Variants in RPS6KA2 observed in about 807,000 individuals in gnomAD.
RPS6KA2 encodes the protein ribosomal protein S6 kinase A2.
A neutral mutation model predicts 91.8 loss-of-function variants in RPS6KA2; 42 were observed. The observed-to-expected ratio is 0.46, with a 90% CI of 0.36 to 0.59. RPS6KA2 has a LOEUF of 0.59. Among genes scored for constraint, RPS6KA2 ranks in the 20% least tolerant of loss-of-function variants. The pLI, the probability that RPS6KA2 is intolerant of heterozygous loss-of-function variation, is 0.00. For synonymous variants in RPS6KA2, 414 were observed against 393.6 expected (o/e 1.05, Z -0.61); for missense variants, 798 against 978.5 (o/e 0.82, Z 2.46).
chr6:166,754,400 AG>A (rs1777936861), intron 2 of RPS6KA2, among the ~76,000 whole-genome samples: 2 of 152,280 alleles, frequency 1.3e-5, no homozygotes, highest in East Asian at 3.9e-4. Context: ...ACGTGTGGGC[AG>A]GGGCCTTTCA....
chr6:166,764,339 G>C (rs904616878), intron 2 of RPS6KA2, among the ~76,000 whole-genome samples: 1 of 152,190 alleles, frequency 6.6e-6, no homozygotes, highest in East Asian at 1.9e-4. Context: ...AGGAAGAGTG[G>C]GAGGCTCTGC....
intron 1 of RPS6KA2, among the ~76,000 whole-genome samples, chr6:166,562,899 G>A (rs548470270): frequency 5.3e-5 from 8 of 152,330 alleles, no homozygotes; most frequent in African/African-American, 1.9e-4. Flanking sequence ...GGGGTGCAGG[G>A]GGCCTGGGAT....
intron 2 of RPS6KA2, among the ~76,000 whole-genome samples, chr6:166,536,269 G>GC (rs1783475207): frequency 6.6e-6 from 1 of 152,212 alleles, no homozygotes; most frequent in African/African-American, 2.4e-5. Flanking sequence ...GCAGGAGGTG[G>GC]AAACCTGAAG....
intron 3 of RPS6KA2, among the ~76,000 whole-genome samples, chr6:166,526,069 C>G (rs1783015249): frequency 6.6e-6 from 1 of 151,940 alleles, no homozygotes; most frequent in Non-Finnish European, 1.5e-5. Context: ...AGTGCCAGGC[C>G]TCCTCTCCAC....
At chr6:166,773,810 C>G (rs771028358) in intron 2 of RPS6KA2, among the ~76,000 whole-genome samples, 1 of 152,098 alleles carries the variant, frequency 6.6e-6, no homozygotes. Context: ...GCTAGCTCCA[C>G]CAGGAAGAAA....
intron 3 of RPS6KA2, among the ~76,000 whole-genome samples, chr6:166,530,520 T>C (rs1197467592): frequency 6.6e-6 from 1 of 152,194 alleles, no homozygotes; most frequent in African/African-American, 2.4e-5. Context: ...GGGGTCAGTT[T>C]ATGTAACTAA....
chr6:166,616,722 T>C (rs1366173340), intron 1 of RPS6KA2, among the ~76,000 whole-genome samples: 2 of 152,180 alleles, frequency 1.3e-5, no homozygotes, highest in African/African-American at 4.8e-5. Context: ...TCAGGCCAGC[T>C]GGGGAGCAGG....
intron 1 of RPS6KA2, among the ~76,000 whole-genome samples, chr6:166,594,458 A>G (rs1394558304): frequency 6.6e-6 from 1 of 151,958 alleles, no homozygotes; most frequent in African/African-American, 2.4e-5. Context: ...GTCCAAACAC[A>G]TTTTCTTTTT....
intron 1 of RPS6KA2, among the ~76,000 whole-genome samples, chr6:166,596,480 C>G (rs1785538258): frequency 6.6e-6 from 1 of 152,154 alleles, no homozygotes; most frequent in Non-Finnish European, 1.5e-5. Context: ...TGGTCTTCAT[C>G]TTTCTCCTGT....
intron 3 of RPS6KA2, among the ~76,000 whole-genome samples, chr6:166,530,467 C>A (rs1037641789): frequency 6.6e-6 from 1 of 152,230 alleles, no homozygotes; most frequent in African/African-American, 2.4e-5. Flanking sequence ...CTAAGTGCTG[C>A]CCCCGTGACG....
chr6:166,450,665 GGGGACCACCACA>G lies in RPS6KA2; in HGVS notation c.1206+426_1206+437del, dbSNP rs1202733791. 5.7e-4 allele frequency among the ~76,000 whole-genome samples: 82 copies of G among 144,986 alleles called. 1 individual carries two copies. Among genetic ancestry groups the G allele is most frequent in the Admixed American group, 1.6e-3 (23 of 14,720 alleles). ...AGGGACCACCCTGGGAGACCACCAT[GGGGACCACCACA>G]GGGACCACCACAGGGACCACCACAA... On this transcript the variant is annotated intron_variant, in intron 13 of 20. Coordinates refer to ENST00000265678, the MANE Select transcript of RPS6KA2 (RefSeq NM_021135.6).
intron 2 of RPS6KA2, among the ~76,000 whole-genome samples, chr6:166,835,621 C>T (rs947455360): frequency 6.6e-6 from 1 of 152,212 alleles, no homozygotes. Flanking sequence ...ATCCTAAACA[C>T]GTGAGTCTTA....
At chr6:166,531,346 G>C (rs756559913) in intron 2 of RPS6KA2, 33 bp from the exon 3 acceptor site, 2 of 1,521,140 alleles carry the variant, frequency 1.3e-6, no homozygotes, top group Admixed American at 1.7e-5. Flanking sequence ...TCAGAAACCC[G>C]TAAGACTTCA....
intron 2 of RPS6KA2, among the ~76,000 whole-genome samples, chr6:166,814,801 CAG>C (rs1417139751): frequency 1.3e-5 from 2 of 152,214 alleles, no homozygotes; most frequent in African/African-American, 4.8e-5. Context: ...CCATCACCCC[CAG>C]ATGGGACCGT....
At chr6:166,538,932 G>GTTTTTTT in intron 1 of RPS6KA2, 148 bp from the exon 2 acceptor site, 3 of 493,064 alleles carry the variant, frequency 6.1e-6, no homozygotes, top group African/African-American at 5.9e-5. Context: ...ATTTAGTTGT[G>GTTTTTTT]TTTTTTTCTT....
chr6:166,422,879 G>A (rs1219011433), intron 17 of RPS6KA2, among the ~76,000 whole-genome samples: 4 of 152,162 alleles, frequency 2.6e-5, no homozygotes, highest in African/African-American at 7.2e-5. Context: ...GCGCTATGAC[G>A]GATCCATTTC....
At chr6:166,619,079 G>A (rs1342675097) in intron 1 of RPS6KA2, among the ~76,000 whole-genome samples, 3 of 151,652 alleles carry the variant, frequency 2.0e-5, no homozygotes, top group Admixed American at 6.6e-5. Context: ...AGCCCTGTGC[G>A]TATGGGCTCC....
chr6:166,669,092 C>T, intron 2 of RPS6KA2, among the ~76,000 whole-genome samples: 1 of 152,036 alleles, frequency 6.6e-6, no homozygotes, highest in Admixed American at 6.6e-5. Context: ...CGGGGTTTCA[C>T]CATGTTGCCC....
chr6:166,859,960 C>A (rs776223496), intron 1 of RPS6KA2, among the ~76,000 whole-genome samples: 1 of 152,208 alleles, frequency 6.6e-6, no homozygotes, highest in Non-Finnish European at 1.5e-5. Flanking sequence ...GCTCCTCCTG[C>A]AAGGGTTTTA....
Sources: gnomAD v4.1 joint callset for allele counts (sites outside exome capture counted in the v4.1 genomes callset) on GRCh38, gnomAD v4.1.1 for gene constraint, MANE v1.5 for transcripts, NCBI Gene and HGNC (gene_info 2026-07-23, HGNC 2026-07-21) for gene names.